The following AGAP1 variants were observed in gnomAD, a reference collection of about 807,000 sequenced individuals.
AGAP1 encodes ArfGAP with GTPase domain, ankyrin repeat and PH domain 1.
AGAP1 carries 29 observed loss-of-function variants against 105.3 expected under a neutral mutation model. The observed-to-expected ratio is 0.28, with a 90% confidence interval of 0.21 to 0.38. AGAP1 has a LOEUF of 0.38. Among genes scored for constraint, AGAP1 ranks in the 10% least tolerant of loss-of-function variants. The pLI, the probability that AGAP1 is intolerant of heterozygous loss-of-function variation, is 1.00. For missense variants in AGAP1, 998 were observed against 1,165.1 expected, an observed-to-expected ratio of 0.86 and a Z score of 2.09; for synonymous variants, 509 against 485.9, an observed-to-expected ratio of 1.05 and a Z score of -0.63.
At chr2:235,868,082 T>C (rs2049267817) in intron 9 of AGAP1, among the ~76,000 whole-genome samples, 1 of 152,144 alleles carries the variant, frequency 6.6e-6, no homozygotes, top group Admixed American at 6.5e-5. Flanking sequence ...TAGAACTTCA[T>C]AGAAACCTTT....
At chr2:236,017,060 G>A (rs1227416707) in intron 13 of AGAP1, among the ~76,000 whole-genome samples, 2 of 151,856 alleles carry the variant, frequency 1.3e-5, no homozygotes, top group South Asian at 2.1e-4. Flanking sequence ...AGGCTGAGAC[G>A]GGTGGGTCAC....
In AGAP1 at chr2:235,934,191, CAG is replaced by C. The variant is rs1167387445; in HGVS notation, c.1483+3269_1483+3270del. ...TCTCAGTCCCACTGAATCCAGTCCT[CAG>C]GGGATGGGACCAGGCAACCTGTGTA... On this transcript the variant is annotated intron_variant, in intron 12 of 17. Transcript: ENST00000304032. The surrounding 1 kb of genome is among the most constrained non-coding windows in gnomAD (Gnocchi z 4.9). Among the ~76,000 whole-genome samples, 1 of 152,200 alleles carries C rather than the reference CAG, an allele frequency of 6.6e-6. No homozygotes were observed. Among genetic ancestry groups the C allele is most frequent in the African/African-American group, 2.4e-5 (1 of 41,456 alleles).
rs541739179 is a variant in AGAP1 at position 235,936,251 on chromosome 2, C to T, written c.1483+5328C>T. Among the ~76,000 whole-genome samples, 4 of 152,344 alleles carry T rather than the reference C, an allele frequency of 2.6e-5. No individual in the cohort carries two copies. The highest frequency in any genetic ancestry group is 2.1e-4 in the South Asian group (1 of 4,820). ...GGCCACCACGCAGCCTCGTCACCAT[C>T]GAGCACAAACACCATGTCCATCTTC... On this transcript the variant is annotated intron_variant, in intron 12 of 17. Transcript: ENST00000304032. This position sits in a 1 kb window ranked among gnomAD's most constrained non-coding sequence, Gnocchi z 4.7.
rs761865132 is a variant in AGAP1, at chr2:235,719,413, A to G, written c.310+1769A>G. Among the ~76,000 whole-genome samples the G allele has an allele frequency of 2.6e-5, 4 of 152,184 alleles. No individual in the cohort carries two copies. Among genetic ancestry groups the G allele is most frequent in the Non-Finnish European group, 5.9e-5 (4 of 68,042 alleles). On this transcript the variant is annotated intron_variant, in intron 3 of 17. Transcript: ENST00000304032. This position sits in a 1 kb window ranked among gnomAD's most constrained non-coding sequence, Gnocchi z 4.9. ...CCAGCTGGGATGTCTTTTGCAGTGC[A>G]TAATTGACCCTTACATGTTGACTCA...
rs1053033171 is a variant in AGAP1, at chr2:235,741,849, G to C, written c.396+801G>C. On this transcript the variant is annotated intron_variant, in intron 4 of 17. Transcript: ENST00000304032. The surrounding 1 kb of genome is among the most constrained non-coding windows in gnomAD (Gnocchi z 4.9). The stretch of plus-strand genomic sequence containing the variant: ...GCTCACTACAAGCTCCACCTCCCAG[G>C]TTCAGGCCATTCTCCTGCCTCAGCC... Among the ~76,000 whole-genome samples the C allele has an allele frequency of 2.0e-5, 3 of 151,716 alleles. No homozygotes were observed.
At chr2:236,063,686 A>C (rs965176539) in intron 16 of AGAP1, among the ~76,000 whole-genome samples, 8 of 152,234 alleles carry the variant, frequency 5.3e-5, no homozygotes, top group African/African-American at 1.9e-4. Context: ...TGACTGGGTC[A>C]CTGGGCTTTA....
Position 235,877,810 on chromosome 2 carries a change from C to T in AGAP1, c.1051-5535C>T, listed in dbSNP as rs1018784400. Among the ~76,000 whole-genome samples, 3 of 152,240 alleles carry T rather than the reference C, an allele frequency of 2.0e-5. No homozygotes were observed. The highest frequency in any genetic ancestry group is 4.4e-5 in the Non-Finnish European group (3 of 68,052). On this transcript the variant is annotated intron_variant, in intron 9 of 17. Transcript: ENST00000304032. This position sits in a 1 kb window ranked among gnomAD's most constrained non-coding sequence, Gnocchi z 4.3. ...GTTACATTTGGATTGATCCCTCCCC[C>T]TCTTGGGTACACCCAACCACTGGTC...
At position 235,755,837 on chromosome 2, in the gene AGAP1, G is replaced by T. The variant is rs550660130; in HGVS notation, c.673+5349G>T. On this transcript the variant is annotated intron_variant, in intron 6 of 17. Transcript: ENST00000304032. ...GCTCTTCTGGACAGACAGAGTGTGT[G>T]TCTGACATGGGACTGTAGTCAGGTC... 5.9e-5 allele frequency among the ~76,000 whole-genome samples: 9 copies of T among 152,364 alleles called. No individual in the cohort carries two copies. In the South Asian group the frequency reaches 1.9e-3, roughly 32 times the overall value.
At chr2:235,772,513 T>C (rs1955539050) in intron 6 of AGAP1, among the ~76,000 whole-genome samples, 1 of 152,200 alleles carries the variant, frequency 6.6e-6, no homozygotes, top group Non-Finnish European at 1.5e-5. Flanking sequence ...AGGTTATGGC[T>C]TGTGGATGGA....
Position 235,961,315 on chromosome 2 carries a change from C to G in AGAP1, c.1484-7147C>G, listed in dbSNP as rs1348403821. The stretch of plus-strand genomic sequence containing the variant: ...CTAAAACTTCCTGGTGTCCCTTCTG[C>G]CTGCCTAGCAGAACCCCTCCACACG... On this transcript the variant is annotated intron_variant, in intron 12 of 17. Transcript: ENST00000304032. This position sits in a 1 kb window ranked among gnomAD's most constrained non-coding sequence, Gnocchi z 5.9. 6.6e-6 allele frequency among the ~76,000 whole-genome samples: 1 copy of G among 152,198 alleles called. No homozygotes were observed. Among genetic ancestry groups the G allele is most frequent in the Non-Finnish European group, 1.5e-5 (1 of 68,044 alleles).
intron 9 of AGAP1, among the ~76,000 whole-genome samples, chr2:235,808,674 A>G (rs1957969795): frequency 2.0e-5 from 3 of 152,200 alleles, no homozygotes; most frequent in Non-Finnish European, 2.9e-5. Flanking sequence ...GGCAGAGAAG[A>G]AGGAGGCCTG....
At chr2:235,572,979 CT>C (rs1944583181) in intron 1 of AGAP1, among the ~76,000 whole-genome samples, 1 of 27,428 alleles carries the variant, frequency 3.6e-5, no homozygotes, top group Admixed American at 3.1e-4. Flanking sequence ...CATCTTTTTT[CT>C]TCTTCTTCTT....
At chr2:235,995,412 G>A (rs2055767158) in intron 13 of AGAP1, among the ~76,000 whole-genome samples, 1 of 152,080 alleles carries the variant, frequency 6.6e-6, no homozygotes, top group Admixed American at 6.5e-5. Context: ...TCCTCGGGAG[G>A]CTGAAGCAGG....
chr2:235,917,495 T>A (rs1252235006), intron 11 of AGAP1, among the ~76,000 whole-genome samples: 1 of 152,128 alleles, frequency 6.6e-6, no homozygotes, highest in African/African-American at 2.4e-5. Context: ...TCTCCCTCTC[T>A]TTTTTTCCAC....
At chr2:235,932,651 G>GT (rs2052777702) in intron 12 of AGAP1, among the ~76,000 whole-genome samples, 1 of 152,132 alleles carries the variant, frequency 6.6e-6, no homozygotes, top group African/African-American at 2.4e-5. Context: ...TAATACAGGT[G>GT]TTTAAGTATT....
At chr2:235,584,559 C>T (rs989425302) in intron 1 of AGAP1, among the ~76,000 whole-genome samples, 3 of 151,168 alleles carry the variant, frequency 2.0e-5, no homozygotes, top group South Asian at 2.1e-4. Flanking sequence ...GGCCATGTCA[C>T]GATGGAGGCA....
intron 1 of AGAP1, among the ~76,000 whole-genome samples, chr2:235,528,353 C>T (rs1279440713): frequency 7.3e-6 from 1 of 136,892 alleles, no homozygotes; most frequent in Non-Finnish European, 1.6e-5. Flanking sequence ...CAGGCCCCCT[C>T]CCCCTCCCCC....
At chr2:235,673,710 A>C (rs963080947) in intron 1 of AGAP1, among the ~76,000 whole-genome samples, 4 of 152,244 alleles carry the variant, frequency 2.6e-5, no homozygotes, top group African/African-American at 7.2e-5. Context: ...CGTGATAAGC[A>C]TCATGAGAAG....
intron 1 of AGAP1, among the ~76,000 whole-genome samples, chr2:235,509,679 C>G (rs1941988678): frequency 6.6e-6 from 1 of 152,118 alleles, no homozygotes; most frequent in Non-Finnish European, 1.5e-5. Context: ...CCTGCATCAC[C>G]TCTGTCCGTC....
Sources: gnomAD v4.1 joint callset for allele counts (sites outside exome capture counted in the v4.1 genomes callset) on GRCh38, gnomAD v4.1.1 for gene constraint, Gnocchi (gnomAD v3.1) non-coding constraint, MANE v1.5 for transcripts, NCBI Gene and HGNC (gene_info 2026-07-23, HGNC 2026-07-21) for gene names.